The following RAB30 variants were observed in gnomAD, a reference collection of about 807,000 sequenced individuals.
RAB30 encodes RAB30, member RAS oncogene family.
Under a neutral mutation model 25.1 loss-of-function variants are expected in RAB30, and 9 were observed. The ratio of observed to expected loss-of-function variants is 0.36; its 90% confidence interval spans 0.22 to 0.63. The LOEUF is 0.63. RAB30 is among the 20% of genes least tolerant of loss of function. RAB30 has a pLI of 0.69. For missense variants in RAB30, 140 were observed against 243.5 expected, an observed-to-expected ratio of 0.58 and a Z score of 2.83; for synonymous variants, 77 against 86.4, an observed-to-expected ratio of 0.89 and a Z score of 0.60.
At chr11:83,020,304 T>G (rs949793712) in intron 1 of RAB30, among the ~76,000 whole-genome samples, 1 of 152,208 alleles carries the variant, frequency 6.6e-6, no homozygotes, top group Non-Finnish European at 1.5e-5. Context: ...CCACTCCTTA[T>G]GCCTGCTCTA....
chr11:83,029,716 A>T, intron 1 of RAB30, among the ~76,000 whole-genome samples: 1 of 152,118 alleles, frequency 6.6e-6, no homozygotes, highest in East Asian at 1.9e-4. Flanking sequence ...TCATCTCAAA[A>T]ATTTCTTTTT....
At chr11:82,993,650 T>C (rs1856901473) in intron 3 of RAB30, among the ~76,000 whole-genome samples, 1 of 152,204 alleles carries the variant, frequency 6.6e-6, no homozygotes, top group South Asian at 2.1e-4. Context: ...CAGGATAATT[T>C]AAATAAGTGA....
At chr11:83,064,648 C>T (rs1036389537) in intron 1 of RAB30, among the ~76,000 whole-genome samples, 1 of 152,178 alleles carries the variant, frequency 6.6e-6, no homozygotes, top group South Asian at 2.1e-4. Flanking sequence ...TGATTAAATA[C>T]TTGAAATGAC....
chr11:83,018,330 T>C (rs1034718257), intron 1 of RAB30, among the ~76,000 whole-genome samples: 3 of 151,826 alleles, frequency 2.0e-5, no homozygotes, highest in Non-Finnish European at 4.4e-5. Flanking sequence ...ATGTTTCCTT[T>C]CACCACATCT....
At position 82,994,139 on chromosome 11, in the gene RAB30, A is replaced by T. The variant is rs753144915; in HGVS notation, c.94-17T>A. 6 of 1,569,016 alleles carry T rather than the reference A, an allele frequency of 3.8e-6. No individual in the cohort carries two copies. The highest frequency in any genetic ancestry group is 5.3e-6 in the Non-Finnish European group (6 of 1,140,082). On this transcript the variant is annotated splice_polypyrimidine_tract_variant and intron_variant, in intron 2 of 4. Coordinates refer to ENST00000527633, the MANE Select transcript of RAB30 (RefSeq NM_001286060.2). ...GAAAAGACCCTGAAGAAGAAATAAT[A>T]GAAAAGAACAGCTAAGCAAATATTT...
chr11:82,982,103 C>G lies in RAB30; in HGVS notation c.*62G>C. ...GGAGCCACAGTCATCGCCAGATCTC[C>G]CCAGCATCTCATGGCCCATCAGGGC... On this transcript the variant is annotated 3_prime_UTR_variant, in exon 5 of 5. Transcript: ENST00000527633. 6.2e-7 allele frequency: 1 copy of G among 1,602,162 alleles called. No individual in the cohort carries two copies. The highest frequency in any genetic ancestry group is 8.5e-7 in the Non-Finnish European group (1 of 1,171,912).
chr11:83,062,588 G>A (rs1355450831), intron 1 of RAB30, among the ~76,000 whole-genome samples: 2 of 152,212 alleles, frequency 1.3e-5, no homozygotes, highest in Admixed American at 1.3e-4. Context: ...CAGTTTGAGA[G>A]TTTGAGACAT....
intron 1 of RAB30, among the ~76,000 whole-genome samples, chr11:83,042,324 G>A (rs1463028222): frequency 2.0e-5 from 3 of 152,238 alleles, no homozygotes; most frequent in East Asian, 1.9e-4. Context: ...AGGCCAAGGT[G>A]GGTGGATTGC....
chr11:83,046,218 T>C (rs1858229783), intron 1 of RAB30, among the ~76,000 whole-genome samples: 2 of 152,236 alleles, frequency 1.3e-5, no homozygotes, highest in Admixed American at 1.3e-4. Context: ...TGGAAAGTGA[T>C]AGGCACCCAG....
chr11:82,997,454 G>A (rs1172246857), intron 1 of RAB30, 130 bp from the exon 2 acceptor site: 14 of 649,068 alleles, frequency 2.2e-5, no homozygotes, highest in Admixed American at 9.7e-5. Flanking sequence ...GCTCCCCTCC[G>A]GTGACCCTGC....
At chr11:83,007,314 A>G (rs1342528406) in intron 1 of RAB30, among the ~76,000 whole-genome samples, 2 of 152,368 alleles carry the variant, frequency 1.3e-5, no homozygotes, top group Non-Finnish European at 2.9e-5. Context: ...GGAGCTCAGA[A>G]GCAGCCCTTA....
intron 1 of RAB30, among the ~76,000 whole-genome samples, chr11:83,065,101 T>C (rs1259772358): frequency 6.6e-6 from 1 of 152,174 alleles, no homozygotes; most frequent in African/African-American, 2.4e-5. Context: ...AGATTTTTTT[T>C]TTCTTTTAAT....
intron 1 of RAB30, among the ~76,000 whole-genome samples, chr11:83,018,027 A>G (rs1035650628): frequency 6.6e-6 from 1 of 152,190 alleles, no homozygotes. Context: ...TCCACTGGGC[A>G]TGGTGGCTCA....
Position 83,014,737 on chromosome 11 carries a change from TAAG to T in RAB30, c.-8-17416_-8-17414del, listed in dbSNP as rs576032040. On this transcript the variant is annotated intron_variant, in intron 1 of 4. Coordinates refer to ENST00000527633, the MANE Select transcript of RAB30 (RefSeq NM_001286060.2). ...GGATGGAGGCAAGGAGAAAAAGAAATAAGAAAGAAAAAGAATGAAAGAGAGAGA... is the reference window on the plus strand; with the variant it reads ...GGATGGAGGCAAGGAGAAAAAGAAATAAAGAAAAAGAATGAAAGAGAGAGA... Among the ~76,000 whole-genome samples, 34 of 78,628 alleles carry T rather than the reference TAAG, an allele frequency of 4.3e-4. 2 individuals carry two copies. The highest frequency in any genetic ancestry group is 1.2e-3 in the African/African-American group (25 of 20,078). 51.6% of individuals were successfully genotyped at this position (78,628 alleles called of 152,430 possible). A position where few individuals can be genotyped will look rare whatever the true frequency, so the allele number is the denominator to read the frequency against.
chr11:83,002,017 A>C (rs1857097107), intron 1 of RAB30, among the ~76,000 whole-genome samples: 1 of 152,194 alleles, frequency 6.6e-6, no homozygotes, highest in South Asian at 2.1e-4. Flanking sequence ...GAGGAAGCTG[A>C]GACAGAGATA....
chr11:83,060,671 A>G (rs1858552618), intron 1 of RAB30, among the ~76,000 whole-genome samples: 2 of 152,236 alleles, frequency 1.3e-5, no homozygotes, highest in South Asian at 2.1e-4. Flanking sequence ...AAAAATTTCA[A>G]TATCATAAAA....
chr11:83,051,881 T>G (rs1858365819), intron 1 of RAB30, among the ~76,000 whole-genome samples: 1 of 152,206 alleles, frequency 6.6e-6, no homozygotes, highest in South Asian at 2.1e-4. Context: ...GAATCACACA[T>G]AGCTCTAAGA....
intron 1 of RAB30, among the ~76,000 whole-genome samples, chr11:83,052,221 CT>C (rs1294602810): frequency 6.6e-6 from 1 of 152,164 alleles, no homozygotes; most frequent in East Asian, 1.9e-4. Flanking sequence ...CCCATTTATA[CT>C]ATATATTGAG....
chr11:83,019,062 C>T lies in RAB30; in HGVS notation c.-8-21738G>A, dbSNP rs535216771. Among the ~76,000 whole-genome samples, 25 of 152,284 alleles carry T rather than the reference C, an allele frequency of 1.6e-4. No homozygotes were observed. In the South Asian group the frequency reaches 4.8e-3, roughly 29 times the overall value. On this transcript the variant is annotated intron_variant, in intron 1 of 4. Transcript: ENST00000527633. ...TTTGTTTTGAGACAGAGTCTCACTC[C>T]GTCACCCAGGCTGGAATGCAGTGGC...
Sources: allele counts gnomAD v4.1 joint callset (sites outside exome capture counted in the v4.1 genomes callset), GRCh38; gene constraint gnomAD v4.1.1; transcripts MANE v1.5; gene names NCBI Gene and HGNC (gene_info 2026-07-23, HGNC 2026-07-21).